The following LRMDA variants were observed in gnomAD, a reference collection of about 807,000 sequenced individuals.
LRMDA encodes leucine-rich melanocyte differentiation-associated protein.
A neutral mutation model predicts 29.8 loss-of-function variants in LRMDA; 18 were observed. The ratio of observed to expected loss-of-function variants is 0.60; its 90% CI spans 0.42 to 0.90. The LOEUF (loss-of-function observed/expected upper bound fraction) is 0.90. LRMDA is among the 40% of genes least tolerant of loss of function. The probability of loss-of-function intolerance (pLI) is 0.00; values close to 1 mark genes in which losing one functional copy is unlikely to be tolerated. For synonymous variants in LRMDA, 125 were observed against 109.4 expected, an observed-to-expected ratio of 1.14 and a Z score of -0.89; for missense variants, 273 against 273.9, an observed-to-expected ratio of 1.00 and a Z score of 0.02.
intron 5 of LRMDA, among the ~76,000 whole-genome samples, chr10:76,106,000 G>A (rs752393212): frequency 3.3e-5 from 5 of 152,092 alleles, no homozygotes; most frequent in Non-Finnish European, 5.9e-5. Context: ...ACCCACCTCA[G>A]CCTCCCAAAG....
intron 6 of LRMDA, among the ~76,000 whole-genome samples, chr10:76,521,801 T>C (rs1589223933): frequency 6.6e-6 from 1 of 152,198 alleles, no homozygotes; most frequent in East Asian, 1.9e-4. Context: ...TTCTCTGTTA[T>C]TGTGTATTAG....
chr10:75,787,367 G>A (rs895840511), intron 2 of LRMDA, among the ~76,000 whole-genome samples: 4 of 152,084 alleles, frequency 2.6e-5, no homozygotes, highest in African/African-American at 7.2e-5. Context: ...ACCTGATCAC[G>A]TTTCATCAGT....
intron 5 of LRMDA, among the ~76,000 whole-genome samples, chr10:76,192,822 C>T (rs773849893): frequency 3.9e-5 from 6 of 152,052 alleles, no homozygotes; most frequent in Admixed American, 1.3e-4. Context: ...AGTCTATTAC[C>T]CTGTGATTTA....
intron 5 of LRMDA, among the ~76,000 whole-genome samples, chr10:76,320,494 G>A (rs1475090491): frequency 6.6e-6 from 1 of 152,102 alleles, no homozygotes; most frequent in Admixed American, 6.6e-5. Flanking sequence ...TCAATCAGAG[G>A]TGGCATTCAT....
intron 6 of LRMDA, among the ~76,000 whole-genome samples, chr10:76,449,693 T>C (rs770948844): frequency 2.0e-5 from 3 of 151,970 alleles, no homozygotes; most frequent in Non-Finnish European, 2.9e-5. Flanking sequence ...GTTTGGAAGA[T>C]CAAAATATTT....
chr10:75,777,446 A>G (rs1049970247), intron 2 of LRMDA, among the ~76,000 whole-genome samples: 3 of 152,208 alleles, frequency 2.0e-5, no homozygotes, highest in African/African-American at 4.8e-5. Flanking sequence ...GGTTGCCACT[A>G]GCTCTTTTCT....
chr10:75,963,244 A>C (rs1250696267), intron 2 of LRMDA, among the ~76,000 whole-genome samples: 1 of 152,176 alleles, frequency 6.6e-6, no homozygotes, highest in Non-Finnish European at 1.5e-5. Flanking sequence ...TAATCCAAGA[A>C]TCTGAGCCAC....
chr10:76,308,247 T>C (rs1450550665), intron 5 of LRMDA, among the ~76,000 whole-genome samples: 2 of 152,146 alleles, frequency 1.3e-5, no homozygotes, highest in Non-Finnish European at 2.9e-5. Flanking sequence ...TTAAATACTG[T>C]CTTTATTATG....
chr10:76,118,203 C>T (rs1849699405), intron 5 of LRMDA, among the ~76,000 whole-genome samples: 1 of 152,182 alleles, frequency 6.6e-6, no homozygotes. Flanking sequence ...GAATGATGTA[C>T]ATTCATGTAA....
chr10:75,619,338 C>G (rs965536764), intron 2 of LRMDA, among the ~76,000 whole-genome samples: 2 of 152,078 alleles, frequency 1.3e-5, no homozygotes, highest in Non-Finnish European at 2.9e-5. Context: ...GAGTACTGTT[C>G]CTTTGTGTAT....
intron 2 of LRMDA, among the ~76,000 whole-genome samples, chr10:76,004,831 C>T (rs1461084936): frequency 6.6e-6 from 1 of 151,606 alleles, no homozygotes; most frequent in African/African-American, 2.4e-5. Context: ...AGGTTCATGC[C>T]ATTCTCCTGC....
At chr10:76,545,296 TC>T (rs1843407259) in intron 6 of LRMDA, among the ~76,000 whole-genome samples, 1 of 152,012 alleles carries the variant, frequency 6.6e-6, no homozygotes, top group African/African-American at 2.4e-5. Flanking sequence ...CTGTGGATGT[TC>T]CCTGCTTTTG....
intron 3 of LRMDA, among the ~76,000 whole-genome samples, chr10:76,037,268 T>C (rs372848091): frequency 6.6e-6 from 1 of 152,234 alleles, no homozygotes; most frequent in East Asian, 1.9e-4. Context: ...GTCCAATGGC[T>C]TTGTTTTATT....
chr10:75,544,129 A>C lies in LRMDA; in HGVS notation c.131+105635A>C, dbSNP rs1438288955. ...TGCGTTTGTGTGTGTGTTTGTGTCC[A>C]TGTGTGTGTCTTCACACTCATTTGA... On this transcript the variant is annotated intron_variant, in intron 2 of 6. Coordinates refer to ENST00000611255, the MANE Select transcript of LRMDA (RefSeq NM_001305581.2). Among the ~76,000 whole-genome samples the C allele has an allele frequency of 2.6e-5, 4 of 152,152 alleles. No individual in the cohort carries two copies. The East Asian group carries it at 7.7e-4, about 29-fold the overall frequency.
chr10:76,017,117 C>T (rs957831530), intron 2 of LRMDA, among the ~76,000 whole-genome samples: 2 of 152,206 alleles, frequency 1.3e-5, no homozygotes, highest in Non-Finnish European at 2.9e-5. Flanking sequence ...TATTTCAATA[C>T]GACTGGTGTC....
At chr10:75,800,429 A>G (rs1027977268) in intron 2 of LRMDA, among the ~76,000 whole-genome samples, 1 of 145,684 alleles carries the variant, frequency 6.9e-6, no homozygotes, top group African/African-American at 2.4e-5. Flanking sequence ...TCAGTCTGAT[A>G]ATCTTTTTCT....
intron 5 of LRMDA, among the ~76,000 whole-genome samples, chr10:76,218,066 A>C (rs981850704): frequency 6.6e-6 from 1 of 152,178 alleles, no homozygotes; most frequent in African/African-American, 2.4e-5. Flanking sequence ...ATGCAATCCA[A>C]TCCAGGGACA....
At chr10:75,663,354 G>A (rs1434965232) in intron 2 of LRMDA, among the ~76,000 whole-genome samples, 1 of 152,180 alleles carries the variant, frequency 6.6e-6, no homozygotes, top group African/African-American at 2.4e-5. Flanking sequence ...CCTCTGTCTA[G>A]CAAAGGATTC....
intron 2 of LRMDA, among the ~76,000 whole-genome samples, chr10:75,942,948 C>T (rs1846417434): frequency 6.6e-6 from 1 of 152,092 alleles, no homozygotes; most frequent in Non-Finnish European, 1.5e-5. Flanking sequence ...TGCTACAAGT[C>T]ATGTACTTAG....
Sources: allele counts gnomAD v4.1 joint callset (sites outside exome capture counted in the v4.1 genomes callset), GRCh38; gene constraint gnomAD v4.1.1; transcripts MANE v1.5; gene names NCBI Gene and HGNC (gene_info 2026-07-23, HGNC 2026-07-21).